ZNF804B: variants seen among roughly 807,000 people sequenced by gnomAD.
ZNF804B encodes the protein zinc finger protein 804B.
In ZNF804B, 80 loss-of-function variants were observed where a neutral mutation model predicts 101.4. That is an observed-to-expected ratio of 0.79 (90% CI 0.66 to 0.95). ZNF804B has a LOEUF of 0.95. Among genes scored for constraint, ZNF804B ranks in the 40% least tolerant of loss-of-function variants. The probability of loss-of-function intolerance (pLI) is 0.00; values close to 1 mark genes in which losing one functional copy is unlikely to be tolerated. For synonymous variants in ZNF804B, 622 were observed against 558.8 expected, an observed-to-expected ratio of 1.11 and a Z score of -1.59; for missense variants, 1,673 against 1,561.9, an observed-to-expected ratio of 1.07 and a Z score of -1.20.
At chr7:88,973,857 G>A (rs555483337) in intron 1 of ZNF804B, among the ~76,000 whole-genome samples, 2 of 151,510 alleles carry the variant, frequency 1.3e-5, no homozygotes, top group African/African-American at 2.4e-5. Context: ...ACAAGAATTC[G>A]TAAGATGCCA....
At chr7:89,227,328 T>A (rs1007861252) in intron 2 of ZNF804B, among the ~76,000 whole-genome samples, 1 of 152,178 alleles carries the variant, frequency 6.6e-6, no homozygotes, top group Non-Finnish European at 1.5e-5. Flanking sequence ...ATCCTAATTG[T>A]TCCTTTCAGG....
At chr7:89,164,721 C>A (rs909000951) in intron 1 of ZNF804B, among the ~76,000 whole-genome samples, 1 of 151,968 alleles carries the variant, frequency 6.6e-6, no homozygotes, top group African/African-American at 2.4e-5. Flanking sequence ...TCTAAAATTT[C>A]TTCTTTCATG....
intron 1 of ZNF804B, among the ~76,000 whole-genome samples, chr7:89,051,186 A>G (rs1194158441): frequency 6.6e-6 from 1 of 152,042 alleles, no homozygotes; most frequent in Non-Finnish European, 1.5e-5. Flanking sequence ...GCCTGTGTGT[A>G]GGTGTGTGTG....
Position 89,327,424 on chromosome 7 carries a change from A to G in ZNF804B, c.330A>G (p.Lys110=), listed in dbSNP as rs1584127381. The part of the protein sequence containing the change: ...KSWKDEKKQE[K]ALKRLHQLAE... ...GGAAAGATGAGAAAAAACAAGAAAAAGCACTTAAACGACTTCATCAGCTGG... is the reference window on the plus strand; with the variant it reads ...GGAAAGATGAGAAAAAACAAGAAAAGGCACTTAAACGACTTCATCAGCTGG... Residue 110 remains lysine (K), a synonymous_variant, in exon 3 of 4, where the codon AAA becomes AAG. Coordinates refer to ENST00000333190, the MANE Select transcript of ZNF804B (RefSeq NM_181646.5). 1 of 1,611,594 alleles carries G rather than the reference A, an allele frequency of 6.2e-7. No individual in the cohort carries two copies. The highest frequency in any genetic ancestry group is 8.5e-7 in the Non-Finnish European group (1 of 1,178,568).
chr7:89,017,927 G>A (rs1301615244), intron 1 of ZNF804B, among the ~76,000 whole-genome samples: 4 of 152,064 alleles, frequency 2.6e-5, no homozygotes, highest in African/African-American at 7.2e-5. Flanking sequence ...AGAGCCTTTA[G>A]ATTTTTCTAT....
intron 2 of ZNF804B, among the ~76,000 whole-genome samples, chr7:89,321,166 AT>A (rs112404962): frequency 6.6e-6 from 1 of 152,236 alleles, no homozygotes; most frequent in East Asian, 1.9e-4. Context: ...ATATTATAGA[AT>A]TTTAACATAA....
intron 1 of ZNF804B, among the ~76,000 whole-genome samples, chr7:88,931,413 A>G (rs1792883550): frequency 6.6e-6 from 1 of 151,952 alleles, no homozygotes; most frequent in Non-Finnish European, 1.5e-5. Flanking sequence ...CTAAAATGCA[A>G]AAGTTGCTTA....
intron 2 of ZNF804B, among the ~76,000 whole-genome samples, chr7:89,222,980 T>C (rs1789029333): frequency 6.6e-6 from 1 of 151,950 alleles, no homozygotes; most frequent in African/African-American, 2.4e-5. Context: ...ATTACCTCAA[T>C]TTTGGATGAA....
At chr7:88,980,883 A>G (rs898615750) in intron 1 of ZNF804B, among the ~76,000 whole-genome samples, 3 of 151,954 alleles carry the variant, frequency 2.0e-5, no homozygotes, top group East Asian at 1.9e-4. Context: ...CAGCCAGCCT[A>G]TTGTCCTTCC....
intron 1 of ZNF804B, among the ~76,000 whole-genome samples, chr7:89,214,711 T>A (rs1788862784): frequency 6.6e-6 from 1 of 152,236 alleles, no homozygotes; most frequent in Non-Finnish European, 1.5e-5. Context: ...TATCACTCTA[T>A]CACAACTTAT....
chr7:88,916,456 A>T (rs530303042), intron 1 of ZNF804B, among the ~76,000 whole-genome samples: 1 of 152,224 alleles, frequency 6.6e-6, no homozygotes, highest in African/African-American at 2.4e-5. Flanking sequence ...ATAATTGCAC[A>T]CTCTATTGTA....
chr7:89,084,851 G>A (rs997753819), intron 1 of ZNF804B, among the ~76,000 whole-genome samples: 13 of 151,690 alleles, frequency 8.6e-5, no homozygotes, highest in Non-Finnish European at 1.8e-4. Flanking sequence ...ATTCGGACTG[G>A]ATTTTTACTT....
At chr7:89,328,148 A>G (rs984834624) in intron 3 of ZNF804B, among the ~76,000 whole-genome samples, 31 of 152,108 alleles carry the variant, frequency 2.0e-4, no homozygotes, top group Admixed American at 1.8e-3. Context: ...TTTGACAGCA[A>G]CCTAGTGAAT....
chr7:89,098,272 A>AT lies in ZNF804B; in HGVS notation c.109-119866dup, dbSNP rs10717565. On this transcript the variant is annotated intron_variant, in intron 1 of 3. Transcript: ENST00000333190. ...GTGCAAGGCAAAAAGCATCATCATA[A>AT]TTTTTTTTTTTTTTTTTGAGATAGA... Among the ~76,000 whole-genome samples, 831 of 141,526 alleles carry AT rather than the reference A, an allele frequency of 5.9e-3. 7 individuals are homozygous for AT. The highest frequency in any genetic ancestry group is 0.023 in the South Asian group (101 of 4,410). 92.8% of individuals were successfully genotyped at this position (141,526 alleles called of 152,430 possible).
At chr7:88,928,695 A>G (rs1483211357) in intron 1 of ZNF804B, among the ~76,000 whole-genome samples, 1 of 152,154 alleles carries the variant, frequency 6.6e-6, no homozygotes, top group Non-Finnish European at 1.5e-5. Context: ...TAAAATTGGC[A>G]TGATGCCTGG....
chr7:88,946,630 A>G (rs1221744638), intron 1 of ZNF804B, among the ~76,000 whole-genome samples: 1 of 150,348 alleles, frequency 6.7e-6, no homozygotes, highest in Non-Finnish European at 1.5e-5. Context: ...ATGAGTTAGG[A>G]AGGAGTCCCT....
rs1311066604 is a variant in ZNF804B, at chr7:89,337,796, C to T, written c.*764C>T. Reference sequence around the variant, plus strand: ...TGATAATGCAAACTCAAAAATAAAACGTGCTCAGAATAACCTTTTAAATAT... The same window carrying T: ...TGATAATGCAAACTCAAAAATAAAATGTGCTCAGAATAACCTTTTAAATAT... On this transcript the variant is annotated 3_prime_UTR_variant, in exon 4 of 4. Coordinates refer to ENST00000333190, the MANE Select transcript of ZNF804B (RefSeq NM_181646.5). Among the ~76,000 whole-genome samples, 2 of 151,850 alleles carry T rather than the reference C, an allele frequency of 1.3e-5. No individual in the cohort carries two copies. Among genetic ancestry groups the T allele is most frequent in the East Asian group, 1.9e-4 (1 of 5,178 alleles).
At chr7:89,142,329 T>C (rs1790729942) in intron 1 of ZNF804B, among the ~76,000 whole-genome samples, 1 of 151,964 alleles carries the variant, frequency 6.6e-6, no homozygotes, top group Non-Finnish European at 1.5e-5. Context: ...GTTGTTTGTT[T>C]TTGCTAAAGA....
At chr7:88,763,476 C>A (rs1020134238) in intron 1 of ZNF804B, among the ~76,000 whole-genome samples, 8 of 151,524 alleles carry the variant, frequency 5.3e-5, no homozygotes, top group Admixed American at 1.3e-4. Flanking sequence ...AAATAGCATA[C>A]TGCTTTTTAA....
Sources: allele counts gnomAD v4.1 joint callset (sites outside exome capture counted in the v4.1 genomes callset), GRCh38; gene constraint gnomAD v4.1.1; transcripts MANE v1.5; gene names NCBI Gene and HGNC (gene_info 2026-07-23, HGNC 2026-07-21).